TDP1: variants seen among roughly 807,000 people sequenced by gnomAD.
TDP1 encodes tyrosyl-DNA phosphodiesterase 1, also known as tyr-DNA phosphodiesterase 1.
A neutral mutation model predicts 81.5 loss-of-function variants in TDP1; 64 were observed. The ratio of observed to expected loss-of-function variants is 0.79; its 90% CI spans 0.64 to 0.97. The LOEUF (loss-of-function observed/expected upper bound fraction) is 0.97, where lower values mean the gene tolerates loss of function less well. Among genes scored for constraint, TDP1 ranks in the 50% least tolerant of loss-of-function variants. The pLI is 0.00. For synonymous variants in TDP1, 256 were observed against 264.3 expected (o/e 0.97, Z 0.30); for missense variants, 723 against 743.8 (o/e 0.97, Z 0.33).
intron 2 of TDP1, 146 bp from the exon 3 acceptor site, chr14:89,962,962 A>G (rs1024632419): frequency 6.6e-7 from 1 of 1,509,746 alleles, no homozygotes; most frequent in African/African-American, 1.4e-5. Flanking sequence ...TAATGTGCTT[A>G]TAAACACCCA....
chr14:90,013,263 G>A (rs1884927480), intron 14 of TDP1, among the ~76,000 whole-genome samples: 1 of 152,144 alleles, frequency 6.6e-6, no homozygotes, highest in Non-Finnish European at 1.5e-5. Context: ...GAGGGGTAAG[G>A]GGTAGAATGA....
At chr14:90,031,016 G>A (rs1353873823) in intron 15 of TDP1, among the ~76,000 whole-genome samples, 1 of 151,540 alleles carries the variant, frequency 6.6e-6, no homozygotes, top group Non-Finnish European at 1.5e-5. Flanking sequence ...CAAGTGATCT[G>A]CCTGCCTCGG....
intron 6 of TDP1, among the ~76,000 whole-genome samples, chr14:89,974,431 C>T (rs1383360013): frequency 1.3e-5 from 2 of 152,178 alleles, no homozygotes; most frequent in East Asian, 3.9e-4. Context: ...GAGTTCCCTG[C>T]ACTTTCTTCT....
In TDP1 at chr14:90,033,103, C is replaced by T; in HGVS notation, c.1645-3C>T. On this transcript the variant is annotated splice_polypyrimidine_tract_variant and splice_region_variant and intron_variant, in intron 15 of 16. Coordinates refer to ENST00000335725, the MANE Select transcript of TDP1 (RefSeq NM_018319.4). ...ATCATAGATTTCCTCTGTGTGTCTGCAGGGTCTAGACAGTTTCAAAGTGAA... is the reference window on the plus strand; with the variant it reads ...ATCATAGATTTCCTCTGTGTGTCTGTAGGGTCTAGACAGTTTCAAAGTGAA... The T allele has an allele frequency of 6.3e-7, 1 of 1,592,054 alleles. No individual in the cohort carries two copies. The highest frequency in any genetic ancestry group is 8.6e-7 in the Non-Finnish European group (1 of 1,160,280).
At chr14:89,997,548 T>C (rs1277526585) in intron 14 of TDP1, among the ~76,000 whole-genome samples, 1 of 152,214 alleles carries the variant, frequency 6.6e-6, no homozygotes, top group Admixed American at 6.5e-5. Flanking sequence ...AAAAGTTTGG[T>C]GTACATATAG....
At chr14:89,998,416 ATATATATG>A (rs1339374740) in intron 14 of TDP1, among the ~76,000 whole-genome samples, 25 of 85,732 alleles carry the variant, frequency 2.9e-4, no homozygotes, top group East Asian at 6.3e-4. Flanking sequence ...ATATATATAT[ATATATATG>A]TATGTATGTA....
Position 89,967,426 on chromosome 14 carries a change from A to G in TDP1, c.659+4A>G. 1 of 1,613,658 alleles carries G rather than the reference A, an allele frequency of 6.2e-7. No individual in the cohort carries two copies. The highest frequency in any genetic ancestry group is 8.5e-7 in the Non-Finnish European group (1 of 1,179,582). ...AACAGTATCCACCAGAGTTCAGGTG[A>G]GTTCCTCAGGGTGACAGACAACACT... On this transcript the variant is annotated splice_donor_region_variant and intron_variant, in intron 5 of 16. Coordinates refer to ENST00000335725, the MANE Select transcript of TDP1 (RefSeq NM_018319.4).
intron 5 of TDP1, 113 bp downstream of exon 5, chr14:89,967,535 T>G: frequency 2.3e-6 from 2 of 879,078 alleles, no homozygotes; most frequent in South Asian, 2.7e-5. Context: ...CTTTTGAAAC[T>G]GTTGAAATCA....
At chr14:89,994,940 G>C (rs1401275169) in intron 14 of TDP1, among the ~76,000 whole-genome samples, 4 of 152,202 alleles carry the variant, frequency 2.6e-5, no homozygotes, top group Admixed American at 2.6e-4. Context: ...CACAGGTTCA[G>C]ATACCTTTGG....
chr14:89,978,644 A>G (rs531431460), intron 7 of TDP1, among the ~76,000 whole-genome samples: 1 of 152,362 alleles, frequency 6.6e-6, no homozygotes, highest in South Asian at 2.1e-4. Flanking sequence ...TCTCAAGTTC[A>G]TAATTCTATT....
chr14:90,022,190 T>C (rs902828498), intron 15 of TDP1, among the ~76,000 whole-genome samples: 4 of 152,178 alleles, frequency 2.6e-5, no homozygotes, highest in Admixed American at 2.0e-4. Flanking sequence ...GAGAGCTGGG[T>C]GCTGAGATCT....
intron 14 of TDP1, among the ~76,000 whole-genome samples, chr14:90,011,263 G>A (rs1452947853): frequency 2.0e-5 from 3 of 152,276 alleles, no homozygotes; most frequent in East Asian, 1.9e-4. Flanking sequence ...TATTAGCAGT[G>A]AGAGAACAGA....
At chr14:89,971,372 A>G in intron 6 of TDP1, 101 bp downstream of exon 6, 7 of 839,566 alleles carry the variant, frequency 8.3e-6, no homozygotes, top group Non-Finnish European at 1.2e-5. Context: ...TCCTCTCTCC[A>G]GCATCAGTCA....
At chr14:89,976,538 T>TA (rs1331346544) in intron 7 of TDP1, among the ~76,000 whole-genome samples, 2 of 123,402 alleles carry the variant, frequency 1.6e-5, no homozygotes, top group South Asian at 2.5e-4. Context: ...TTTTTTTTTT[T>TA]TTTTTTTTTT....
intron 15 of TDP1, among the ~76,000 whole-genome samples, chr14:90,028,196 C>T (rs1886875067): frequency 6.6e-6 from 1 of 152,240 alleles, no homozygotes. Flanking sequence ...GATGCCACCA[C>T]CTTCCTATAA....
chr14:89,992,040 A>G, intron 13 of TDP1, 57 bp downstream of exon 13: 1 of 1,441,332 alleles, frequency 6.9e-7, no homozygotes, highest in East Asian at 2.3e-5. Flanking sequence ...AGTGTTATTT[A>G]TGTCACTGGT....
At chr14:89,991,782 CTA>C in intron 12 of TDP1, 133 bp from the exon 13 acceptor site, 1 of 1,204,714 alleles carries the variant, frequency 8.3e-7, no homozygotes, top group Non-Finnish European at 1.1e-6. Flanking sequence ...TTTCAAATAA[CTA>C]TTCTATAAGA....
chr14:89,971,041 G>T lies in TDP1; in HGVS notation c.660-134G>T, dbSNP rs529338290. The T allele has an allele frequency of 2.0e-4, 144 of 711,616 alleles. 1 individual carries two copies. The highest frequency in any genetic ancestry group is 6.1e-4 in the Admixed American group (30 of 48,828). 44.1% of individuals were successfully genotyped at this position (711,616 alleles called of 1,614,324 possible). On this transcript the variant is annotated intron_variant, in intron 5 of 16. Coordinates refer to ENST00000335725, the MANE Select transcript of TDP1 (RefSeq NM_018319.4). Reference sequence around the variant, plus strand: ...AGTAGAGACGGGGTTTCACCATGTTGGCCAGTCTGGTCTCGAACTCCTGAC... The same window carrying T: ...AGTAGAGACGGGGTTTCACCATGTTTGCCAGTCTGGTCTCGAACTCCTGAC...
At chr14:90,033,884 C>A (rs563321746) in intron 16 of TDP1, among the ~76,000 whole-genome samples, 40 of 152,162 alleles carry the variant, frequency 2.6e-4, no homozygotes, top group African/African-American at 8.9e-4. Flanking sequence ...CCCAACATAG[C>A]GAGAACCAGT....
Sources: gnomAD v4.1 joint callset for allele counts (sites outside exome capture counted in the v4.1 genomes callset) on GRCh38, gnomAD v4.1.1 for gene constraint, MANE v1.5 for transcripts, NCBI Gene and HGNC (gene_info 2026-07-23, HGNC 2026-07-21) for gene names.